Variants in CSMD1 observed in about 807,000 individuals in gnomAD.
CSMD1 encodes the protein CUB and sushi domain-containing protein 1.
Under a neutral mutation model 417.5 loss-of-function variants are expected in CSMD1, and 213 were observed. The observed-to-expected ratio is 0.51, with a 90% CI of 0.46 to 0.57. The LOEUF (loss-of-function observed/expected upper bound fraction) is 0.57. CSMD1 is among the 20% of genes least tolerant of loss of function. The probability of loss-of-function intolerance (pLI) is 0.00; values close to 1 mark genes in which losing one functional copy is unlikely to be tolerated. For missense variants in CSMD1, 6,923 were observed against 4,529.7 expected, an observed-to-expected ratio of 1.53 and a Z score of -15.17; for synonymous variants, 2,862 against 1,736.8, an observed-to-expected ratio of 1.65 and a Z score of -16.11.
At chr8:3,770,566 T>A (rs960561670) in intron 5 of CSMD1, among the ~76,000 whole-genome samples, 2 of 151,724 alleles carry the variant, frequency 1.3e-5, no homozygotes, top group African/African-American at 4.8e-5. Context: ...AAGAACATAA[T>A]AGGAACATTA....
intron 1 of CSMD1, among the ~76,000 whole-genome samples, chr8:4,719,667 G>T (rs1234856824): frequency 6.6e-6 from 1 of 152,064 alleles, no homozygotes; most frequent in Non-Finnish European, 1.5e-5. Context: ...CCATTTATTT[G>T]TACTTCCAGA....
intron 3 of CSMD1, among the ~76,000 whole-genome samples, chr8:4,066,074 C>G (rs571976939): frequency 6.6e-6 from 1 of 152,224 alleles, no homozygotes; most frequent in East Asian, 1.9e-4. Flanking sequence ...ATAGGTGGCT[C>G]ATTTACAAAA....
At chr8:3,669,986 G>C (rs558652935) in intron 7 of CSMD1, among the ~76,000 whole-genome samples, 3 of 152,112 alleles carry the variant, frequency 2.0e-5, no homozygotes, top group Non-Finnish European at 4.4e-5. Flanking sequence ...TAAGCTATCA[G>C]GTGCAATTGC....
At chr8:4,353,309 T>C (rs1563084885) in intron 3 of CSMD1, among the ~76,000 whole-genome samples, 3 of 152,120 alleles carry the variant, frequency 2.0e-5, no homozygotes, top group Admixed American at 6.5e-5. Flanking sequence ...TCACAAGCTC[T>C]CTTCCCTGCC....
chr8:3,745,924 A>G (rs998386109), intron 6 of CSMD1, among the ~76,000 whole-genome samples: 1 of 152,208 alleles, frequency 6.6e-6, no homozygotes, highest in Non-Finnish European at 1.5e-5. Flanking sequence ...TGGTCACAGC[A>G]GCAGGCCGGG....
intron 46 of CSMD1, 54 bp downstream of exon 46, chr8:3,106,474 A>T: frequency 9.2e-7 from 1 of 1,090,792 alleles, no homozygotes; most frequent in Non-Finnish European, 1.4e-6. Context: ...TACAAACAAT[A>T]CAATTTTCCA....
intron 30 of CSMD1, 47 bp from the exon 31 acceptor site, chr8:3,205,667 C>T (rs1242048166): frequency 1.1e-6 from 1 of 921,586 alleles, no homozygotes; most frequent in Admixed American, 2.3e-5. Flanking sequence ...AATAATAGCG[C>T]AGGTGATAGG....
At chr8:4,765,564 T>C (rs1428479201) in intron 1 of CSMD1, among the ~76,000 whole-genome samples, 1 of 152,166 alleles carries the variant, frequency 6.6e-6, no homozygotes, top group Non-Finnish European at 1.5e-5. Flanking sequence ...CACTAATTGA[T>C]CAACTGAGAT....
chr8:3,611,363 G>C (rs1256875435), intron 8 of CSMD1, among the ~76,000 whole-genome samples: 1 of 152,114 alleles, frequency 6.6e-6, no homozygotes, highest in African/African-American at 2.4e-5. Flanking sequence ...GGGAGCTCTG[G>C]AGGAACAAAC....
intron 1 of CSMD1, among the ~76,000 whole-genome samples, chr8:4,826,622 G>C (rs1563511742): frequency 6.6e-6 from 1 of 152,136 alleles, no homozygotes; most frequent in Admixed American, 6.5e-5. Flanking sequence ...GAGATAACTT[G>C]GGAGAAATTG....
chr8:4,630,859 C>T (rs1259256647), intron 2 of CSMD1, among the ~76,000 whole-genome samples: 1 of 152,164 alleles, frequency 6.6e-6, no homozygotes, highest in East Asian at 1.9e-4. Context: ...ACTATCCAGG[C>T]CCTGGTTCTG....
intron 17 of CSMD1, among the ~76,000 whole-genome samples, chr8:3,390,251 A>T (rs1405716472): frequency 7.0e-6 from 1 of 143,526 alleles, no homozygotes; most frequent in Non-Finnish European, 1.5e-5. Context: ...GCTACTTGGG[A>T]GGCTGAGTCA....
At chr8:3,508,250 G>A (rs1237635451) in intron 10 of CSMD1, among the ~76,000 whole-genome samples, 4 of 151,880 alleles carry the variant, frequency 2.6e-5, no homozygotes, top group South Asian at 4.2e-4. Context: ...TGGTGTCTGT[G>A]ACAGATGATG....
chr8:3,713,753 C>T (rs1801662110), intron 6 of CSMD1, among the ~76,000 whole-genome samples: 1 of 152,154 alleles, frequency 6.6e-6, no homozygotes, highest in Admixed American at 6.5e-5. Context: ...GATGCCATTG[C>T]AAATCCTCAC....
chr8:4,002,878 T>G (rs973784372), intron 4 of CSMD1, among the ~76,000 whole-genome samples: 1 of 152,224 alleles, frequency 6.6e-6, no homozygotes, highest in South Asian at 2.1e-4. Context: ...AATGGGTAAC[T>G]TGTTACATTA....
intron 3 of CSMD1, among the ~76,000 whole-genome samples, chr8:4,317,651 C>G (rs1446784458): frequency 6.6e-6 from 1 of 151,750 alleles, no homozygotes. Flanking sequence ...TATTTACTGA[C>G]AAGCAGGAAG....
Position 3,457,612 on chromosome 8 carries a change from C to A in CSMD1, c.1561+11100G>T, listed in dbSNP as rs969416045. Among the ~76,000 whole-genome samples, 3 of 152,208 alleles carry A rather than the reference C, an allele frequency of 2.0e-5. No individual in the cohort carries two copies. In the East Asian group the frequency reaches 5.8e-4, roughly 29 times the overall value. Reference sequence around the variant, plus strand: ...AATTTCAAGAATAGAATAGTCCCATCTATAACTTTTAAATCAGTAATGCAA... The same window carrying A: ...AATTTCAAGAATAGAATAGTCCCATATATAACTTTTAAATCAGTAATGCAA... On this transcript the variant is annotated intron_variant, in intron 12 of 69. Coordinates refer to ENST00000635120, the MANE Select transcript of CSMD1 (RefSeq NM_033225.6).
intron 1 of CSMD1, among the ~76,000 whole-genome samples, chr8:4,992,814 G>C (rs1213410556): frequency 6.6e-6 from 1 of 152,244 alleles, no homozygotes; most frequent in Non-Finnish European, 1.5e-5. Flanking sequence ...GCGTCTGCAA[G>C]AAGCTCCCCA....
intron 1 of CSMD1, among the ~76,000 whole-genome samples, chr8:4,773,886 C>T (rs1437901998): frequency 6.6e-5 from 10 of 152,176 alleles, no homozygotes; most frequent in East Asian, 1.9e-4. Context: ...CTATTAAATA[C>T]GCTTTCTAAC....
Sources: allele counts gnomAD v4.1 joint callset (sites outside exome capture counted in the v4.1 genomes callset), GRCh38; gene constraint gnomAD v4.1.1; transcripts MANE v1.5; gene names NCBI Gene and HGNC (gene_info 2026-07-23, HGNC 2026-07-21).